Variants in FRMD4A observed in about 807,000 individuals in gnomAD.
FRMD4A encodes the protein FERM domain containing 4A, also known as FERM domain-containing protein 4A.
FRMD4A carries 29 observed loss-of-function variants against 129.1 expected under a neutral mutation model. The ratio of observed to expected loss-of-function variants is 0.22; its 90% CI spans 0.17 to 0.31. FRMD4A has a LOEUF of 0.31. Ranked by LOEUF, FRMD4A falls within the 10% of genes least tolerant of loss-of-function variation. The pLI is 1.00. For synonymous variants in FRMD4A, 634 were observed against 571.6 expected (o/e 1.11, Z -1.56); for missense variants, 1,272 against 1,375.8 (o/e 0.92, Z 1.19).
intron 2 of FRMD4A, among the ~76,000 whole-genome samples, chr10:14,300,419 A>T (rs906856123): frequency 2.6e-5 from 4 of 152,164 alleles, no homozygotes; most frequent in African/African-American, 7.2e-5. Flanking sequence ...TGCAATTTTT[A>T]AAAAATTCCA....
chr10:14,231,548 G>T (rs192692334), intron 2 of FRMD4A, among the ~76,000 whole-genome samples: 2 of 152,180 alleles, frequency 1.3e-5, no homozygotes, highest in Non-Finnish European at 2.9e-5. Flanking sequence ...AGGTTTCACC[G>T]TGTTAGCCAG....
chr10:14,230,839 C>A (rs1281711960), intron 2 of FRMD4A, among the ~76,000 whole-genome samples: 1 of 152,146 alleles, frequency 6.6e-6, no homozygotes, highest in Non-Finnish European at 1.5e-5. Flanking sequence ...TGTGACCATG[C>A]TTGTTCAATG....
chr10:13,891,136 G>A (rs1001041511), intron 2 of FRMD4A, among the ~76,000 whole-genome samples: 8 of 152,168 alleles, frequency 5.3e-5, no homozygotes, highest in Non-Finnish European at 7.4e-5. Flanking sequence ...CCGAGCGTCC[G>A]TTTTCTCTGC....
intron 12 of FRMD4A, among the ~76,000 whole-genome samples, chr10:13,726,189 G>A (rs763468661): frequency 6.6e-6 from 1 of 152,120 alleles, no homozygotes; most frequent in Non-Finnish European, 1.5e-5. Context: ...TGGGAGGATT[G>A]CTTGAGCCCA....
chr10:13,966,311 A>G (rs1224207657), intron 2 of FRMD4A, among the ~76,000 whole-genome samples: 2 of 151,948 alleles, frequency 1.3e-5, no homozygotes, highest in Non-Finnish European at 2.9e-5. Flanking sequence ...ATTTTTAATG[A>G]TTTTCCTTTT....
At position 14,043,854 on chromosome 10, in the gene FRMD4A, T is replaced by G. The variant is rs1191149109; in HGVS notation, c.46-184942A>C. Among the ~76,000 whole-genome samples, 5 of 152,226 alleles carry G rather than the reference T, an allele frequency of 3.3e-5. 1 individual carries two copies. The Middle Eastern group carries it at 0.01, about 311-fold the overall frequency. On this transcript the variant is annotated intron_variant, in intron 2 of 24. Transcript: ENST00000357447. ...ATCTTTTTTTTTTCTTAAGACAAGG[T>G]CTTGCCCTCTCGCCCAGACTGCAGT... is the stretch of plus-strand genomic sequence containing the variant.
intron 2 of FRMD4A, among the ~76,000 whole-genome samples, chr10:14,068,606 T>G (rs577571215): frequency 2.0e-5 from 3 of 152,300 alleles, no homozygotes; most frequent in East Asian, 1.9e-4. Flanking sequence ...AACTTCTCCT[T>G]TCCTCAGTGA....
chr10:13,700,820 C>CTT (rs71503097), intron 14 of FRMD4A, among the ~76,000 whole-genome samples: 19,053 of 44,534 alleles, frequency 0.43, 4,888 homozygotes, highest in Middle Eastern at 0.54. Flanking sequence ...AGGGTAGTTG[C>CTT]TTTTTTTTTT....
chr10:14,084,626 A>G (rs1365728143), intron 2 of FRMD4A, among the ~76,000 whole-genome samples: 6 of 152,164 alleles, frequency 3.9e-5, no homozygotes, highest in African/African-American at 1.4e-4. Flanking sequence ...ATGCAAACCA[A>G]CCGGTTCAGA....
chr10:13,883,457 A>C (rs2094570331), intron 2 of FRMD4A, among the ~76,000 whole-genome samples: 1 of 152,108 alleles, frequency 6.6e-6, no homozygotes, highest in Non-Finnish European at 1.5e-5. Context: ...GCACCACTGC[A>C]CTCCAGCCTG....
chr10:14,262,715 A>G (rs990251385), intron 2 of FRMD4A, among the ~76,000 whole-genome samples: 1 of 152,196 alleles, frequency 6.6e-6, no homozygotes, highest in Non-Finnish European at 1.5e-5. Context: ...GACAAATTAT[A>G]AAGCTCCAGT....
At chr10:14,300,286 G>A (rs1044077481) in intron 2 of FRMD4A, among the ~76,000 whole-genome samples, 1 of 152,156 alleles carries the variant, frequency 6.6e-6, no homozygotes, top group African/African-American at 2.4e-5. Context: ...CCAGGAGAGA[G>A]AAGGCTTGGA....
intron 5 of FRMD4A, among the ~76,000 whole-genome samples, chr10:13,794,044 A>T: frequency 6.6e-6 from 1 of 152,072 alleles, no homozygotes; most frequent in East Asian, 1.9e-4. Context: ...CAATAGGTCG[A>T]CTGACTGGTG....
intron 23 of FRMD4A, 197 bp downstream of exon 23, chr10:13,654,219 A>T (rs1439316573): frequency 4.9e-6 from 3 of 606,388 alleles, no homozygotes; most frequent in Non-Finnish European, 8.8e-6. Flanking sequence ...CAGACAATTC[A>T]CCTCTATAAA....
intron 2 of FRMD4A, among the ~76,000 whole-genome samples, chr10:13,916,999 G>C (rs1168631469): frequency 6.6e-6 from 1 of 152,212 alleles, no homozygotes; most frequent in Non-Finnish European, 1.5e-5. Context: ...AGTAGGAAAA[G>C]AATTGTCTCT....
intron 12 of FRMD4A, among the ~76,000 whole-genome samples, chr10:13,737,243 C>T (rs962330349): frequency 6.6e-6 from 1 of 152,222 alleles, no homozygotes; most frequent in Admixed American, 6.5e-5. Context: ...GCATGCACCA[C>T]CATGCCCAGC....
chr10:14,264,267 C>T (rs888969846), intron 2 of FRMD4A, among the ~76,000 whole-genome samples: 10 of 152,098 alleles, frequency 6.6e-5, no homozygotes, highest in African/African-American at 1.7e-4. Context: ...GTCTTTGAGC[C>T]GTCTTATTTC....
chr10:13,955,386 G>T (rs1193669196), intron 2 of FRMD4A, among the ~76,000 whole-genome samples: 2 of 152,196 alleles, frequency 1.3e-5, no homozygotes, highest in Non-Finnish European at 2.9e-5. Context: ...GGGATTACAG[G>T]TGTTAGCCAC....
At chr10:13,692,010 T>C (rs1055064326) in intron 15 of FRMD4A, among the ~76,000 whole-genome samples, 2 of 152,122 alleles carry the variant, frequency 1.3e-5, no homozygotes, top group Admixed American at 1.3e-4. Context: ...AGAATGAGCA[T>C]TGACCCCATT....
Sources: gnomAD v4.1 joint callset for allele counts (sites outside exome capture counted in the v4.1 genomes callset) on GRCh38, gnomAD v4.1.1 for gene constraint, MANE v1.5 for transcripts, NCBI Gene and HGNC (gene_info 2026-07-23, HGNC 2026-07-21) for gene names.